SIM2: variants seen among roughly 807,000 people sequenced by gnomAD.
SIM2 encodes SIM bHLH transcription factor 2.
In SIM2, 28 loss-of-function variants were observed where a neutral mutation model predicts 64.8. The ratio of observed to expected loss-of-function variants is 0.43; its 90% CI spans 0.32 to 0.59. The LOEUF (loss-of-function observed/expected upper bound fraction) is 0.59, where lower values mean the gene tolerates loss of function less well. Ranked by LOEUF, SIM2 falls within the 20% of genes least tolerant of loss-of-function variation. SIM2 has a pLI of 0.07. For missense variants in SIM2, 847 were observed against 871.4 expected (o/e 0.97, Z 0.35); for synonymous variants, 408 against 391.1 (o/e 1.04, Z -0.51).
intron 3 of SIM2, among the ~76,000 whole-genome samples, chr21:36,717,141 A>G (rs1215140966): frequency 1.3e-5 from 2 of 152,188 alleles, no homozygotes; most frequent in Non-Finnish European, 2.9e-5. Flanking sequence ...CTTCAAAAGC[A>G]TGTGTTGAGA....
rs1455840070 is a variant in SIM2 at position 36,749,821 on chromosome 21, T to G, written c.*1729T>G. Reference sequence around the variant, plus strand: ...TTTGTGTCTACCTTGTTATTAACTTTTGGGGCTGTATTTAGTAAAAATAAA... The same window carrying G: ...TTTGTGTCTACCTTGTTATTAACTTGTGGGGCTGTATTTAGTAAAAATAAA... On this transcript the variant is annotated 3_prime_UTR_variant, in exon 11 of 11. Transcript: ENST00000290399. The G allele has an allele frequency of 6.6e-6, 1 of 152,248 alleles. No homozygotes were observed. The highest frequency in any genetic ancestry group is 6.5e-5 in the Admixed American group (1 of 15,288). The allele number at this position is 152,248 out of a possible 1,614,324, so 9.4% of individuals were successfully genotyped here. A position where few individuals can be genotyped will look rare whatever the true frequency, so the allele number is the denominator to read the frequency against.
Position 36,699,615 on chromosome 21 carries a change from C to A in SIM2, c.-132C>A. Reference sequence around the variant, plus strand: ...TCGGAACCCCGGGAGGCCCCCCGCACCTGCCCGCGGCCCACTCCGCGGACT... The same window carrying A: ...TCGGAACCCCGGGAGGCCCCCCGCAACTGCCCGCGGCCCACTCCGCGGACT... On this transcript the variant is annotated 5_prime_UTR_variant, in exon 1 of 11. Transcript: ENST00000290399. The surrounding 1 kb of genome is among the most constrained non-coding windows in gnomAD (Gnocchi z 5.6). The A allele has an allele frequency of 9.9e-7, 1 of 1,014,096 alleles. No individual in the cohort carries two copies. Among genetic ancestry groups the A allele is most frequent in the Non-Finnish European group, 1.4e-6 (1 of 731,474 alleles). The allele number at this position is 1,014,096 out of a possible 1,614,324, so 62.8% of individuals were successfully genotyped here.
chr21:36,723,738 A>G (rs1330843968), intron 5 of SIM2, among the ~76,000 whole-genome samples: 2 of 152,242 alleles, frequency 1.3e-5, no homozygotes, highest in Non-Finnish European at 2.9e-5. Flanking sequence ...CTCTGAGCCC[A>G]GCCCATGCTC....
At chr21:36,742,640 T>C (rs2089177395) in intron 8 of SIM2, among the ~76,000 whole-genome samples, 1 of 152,118 alleles carries the variant, frequency 6.6e-6, no homozygotes, top group Non-Finnish European at 1.5e-5. Context: ...ACCATAGCTA[T>C]TGTACGTTCA....
At chr21:36,710,613 A>C (rs1242876653) in intron 2 of SIM2, 1 of 150,904 alleles carries the variant, frequency 6.6e-6, no homozygotes, top group Non-Finnish European at 1.5e-5. Context: ...AATAAAAAAA[A>C]TGTTGGCTGC....
chr21:36,729,352 T>G (rs1237491186), intron 6 of SIM2, among the ~76,000 whole-genome samples: 1 of 152,086 alleles, frequency 6.6e-6, no homozygotes, highest in African/African-American at 2.4e-5. Context: ...CCCGAATGGC[T>G]CTGGGCTCTA....
At chr21:36,732,119 G>A (rs983713683) in intron 7 of SIM2, among the ~76,000 whole-genome samples, 7 of 152,234 alleles carry the variant, frequency 4.6e-5, no homozygotes, top group Non-Finnish European at 1.0e-4. Flanking sequence ...CTGACCTCAG[G>A]TGATCCATTT....
chr21:36,705,210 C>A (rs74534338), intron 1 of SIM2, among the ~76,000 whole-genome samples: 1 of 152,170 alleles, frequency 6.6e-6, no homozygotes, highest in Non-Finnish European at 1.5e-5. Flanking sequence ...AGAGGCTGCC[C>A]GCGCAGAAAG....
At position 36,746,201 on chromosome 21, in the gene SIM2, G is replaced by A. The variant is rs576387289; in HGVS notation, c.1576+1065G>A. On this transcript the variant is annotated intron_variant, in intron 10 of 10. Coordinates refer to ENST00000290399, the MANE Select transcript of SIM2 (RefSeq NM_005069.6). ...ATGGTGGTGAGCACCTGTAATCCCA[G>A]CTACTCTGGAGGCTGAGATAGGAGG... 1.5e-5 allele frequency: 3 copies of A among 201,664 alleles called. No homozygotes were observed. In the East Asian group the frequency reaches 3.3e-4, roughly 22 times the overall value. 12.5% of individuals were successfully genotyped at this position (201,664 alleles called of 1,614,324 possible). A position where few individuals can be genotyped will look rare whatever the true frequency, so the allele number is the denominator to read the frequency against.
chr21:36,744,785 G>A lies in SIM2; in HGVS notation c.1225G>A (p.Ala409Thr). 1.2e-6 allele frequency: 2 copies of A among 1,613,374 alleles called. No homozygotes were observed. The highest frequency in any genetic ancestry group is 1.7e-6 in the Non-Finnish European group (2 of 1,179,678). Residue 409 changes from alanine (A) to threonine (T), a missense_variant, in exon 10 of 11, where the codon GCC (alanine) becomes ACC (threonine). Transcript: ENST00000290399. ...LECGQLGNWR[A>T]SPPASAAAPP... ...ATGCGGCCAGCTCGGAAACTGGAGAGCCAGTCCCCCTGCAAGCGCTGCTGC... is the reference window on the plus strand; with the variant it reads ...ATGCGGCCAGCTCGGAAACTGGAGAACCAGTCCCCCTGCAAGCGCTGCTGC...
chr21:36,741,651 G>A, intron 7 of SIM2, 66 bp from the exon 8 acceptor site: 2 of 1,574,158 alleles, frequency 1.3e-6, no homozygotes, highest in African/African-American at 1.3e-5. Context: ...GGTCACCGTT[G>A]GGGGCAGCAT....
chr21:36,710,603 AAT>A (rs1491361522), intron 2 of SIM2: 8 of 54,468 alleles, frequency 1.5e-4, no homozygotes, highest in South Asian at 5.3e-4. Flanking sequence ...TTAAAATAAT[AAT>A]AAAAAAAATG....
At position 36,709,215 on chromosome 21, in the gene SIM2, G is replaced by C. The variant is rs763647474; in HGVS notation, c.223G>C (p.Gly75Arg). The change falls in exon 2 of 11, where the codon GGC becomes CGC. Residue 75 changes from glycine to arginine, a missense_variant. Transcript: ENST00000290399. ...GCCGAGCCGCGCCGGGCCCCTGGAC[G>C]GCGTCGCCAAGGAGCTGGGATCGCA... Reference protein sequence around the residue: ...GQPSRAGPLDGVAKELGSHLL... With the variant: ...GQPSRAGPLDRVAKELGSHLL... The C allele has an allele frequency of 9.3e-6, 15 of 1,610,170 alleles. No homozygotes were observed. Among genetic ancestry groups the C allele is most frequent in the Non-Finnish European group, 1.3e-5 (15 of 1,178,746 alleles).
chr21:36,721,695 C>A (rs997880128), intron 4 of SIM2, among the ~76,000 whole-genome samples: 5 of 152,142 alleles, frequency 3.3e-5, no homozygotes, highest in African/African-American at 7.2e-5. Context: ...CTCAGCCTCC[C>A]AAAGTGCTGG....
intron 7 of SIM2, among the ~76,000 whole-genome samples, chr21:36,733,796 C>T (rs1213454331): frequency 1.1e-4 from 16 of 152,036 alleles, no homozygotes; most frequent in Admixed American, 8.5e-4. Flanking sequence ...CTCCTGACCT[C>T]GTGATCCGCC....
rs1327329530 is a variant in SIM2, at chr21:36,747,146, G to C, written c.1577-519G>C. ...CATTATGACACGGCGAAACCGATCG[G>C]GGTGGTTACCACCCCTCTCCACTAA... On this transcript the variant is annotated intron_variant, in intron 10 of 10. Coordinates refer to ENST00000290399, the MANE Select transcript of SIM2 (RefSeq NM_005069.6). This position sits in a 1 kb window ranked among gnomAD's most constrained non-coding sequence, Gnocchi z 4.5. Among the ~76,000 whole-genome samples, 2 of 152,030 alleles carry C rather than the reference G, an allele frequency of 1.3e-5. No individual in the cohort carries two copies. Among genetic ancestry groups the C allele is most frequent in the Non-Finnish European group, 2.9e-5 (2 of 67,986 alleles).
Position 36,699,501 on chromosome 21 carries a change from C to A in SIM2, c.-246C>A. The A allele has an allele frequency of 3.0e-6, 1 of 335,052 alleles. No homozygotes were observed. 20.8% of individuals were successfully genotyped at this position (335,052 alleles called of 1,614,324 possible). On this transcript the variant is annotated 5_prime_UTR_variant, in exon 1 of 11. Transcript: ENST00000290399. This position sits in a 1 kb window ranked among gnomAD's most constrained non-coding sequence, Gnocchi z 5.6. The stretch of plus-strand genomic sequence containing the variant: ...GGGGCTCCGGTTGCTGCAGGACGGT[C>A]CAGCCCGGAGGAGGCTGCGCTCCGG...
chr21:36,736,975 G>A (rs1008127379), intron 7 of SIM2, among the ~76,000 whole-genome samples: 23 of 151,250 alleles, frequency 1.5e-4, no homozygotes, highest in Admixed American at 1.1e-3. Flanking sequence ...CACCCAGTCT[G>A]GAATACAGTA....
intron 3 of SIM2, 41 bp downstream of exon 3, chr21:36,712,663 C>A: frequency 7.4e-7 from 1 of 1,348,564 alleles, no homozygotes; most frequent in Non-Finnish European, 1.1e-6. Context: ...AAATATTAAA[C>A]GAAGTGACAG....
Sources: gnomAD v4.1 joint callset for allele counts (sites outside exome capture counted in the v4.1 genomes callset) on GRCh38, gnomAD v4.1.1 for gene constraint, Gnocchi (gnomAD v3.1) non-coding constraint, MANE v1.5 for transcripts, NCBI Gene and HGNC (gene_info 2026-07-23, HGNC 2026-07-21) for gene names.